AGBL4: variants seen among roughly 807,000 people sequenced by gnomAD.
AGBL4 encodes cytosolic carboxypeptidase 6.
A neutral mutation model predicts 66.4 loss-of-function variants in AGBL4; 58 were observed. That is an observed-to-expected ratio of 0.87 (90% CI 0.71 to 1.09). The LOEUF (loss-of-function observed/expected upper bound fraction) is 1.09, where lower values mean the gene tolerates loss of function less well. Ranked by LOEUF, AGBL4 falls within the 50% of genes least tolerant of loss-of-function variation. The pLI is 0.00. For synonymous variants in AGBL4, 234 were observed against 222.9 expected (o/e 1.05, Z -0.44); for missense variants, 579 against 631.0 (o/e 0.92, Z 0.88).
At chr1:49,615,399 T>G (rs1305342719) in intron 3 of AGBL4, among the ~76,000 whole-genome samples, 2 of 152,096 alleles carry the variant, frequency 1.3e-5, no homozygotes, top group East Asian at 3.9e-4. Context: ...CAGATCCAAA[T>G]TTTCCAAAAG....
At chr1:49,186,256 C>T (rs1464813265) in intron 4 of AGBL4, among the ~76,000 whole-genome samples, 6 of 152,146 alleles carry the variant, frequency 3.9e-5, no homozygotes, top group Non-Finnish European at 8.8e-5. Context: ...TCAGCCTTTG[C>T]TTTCAGAATG....
intron 4 of AGBL4, among the ~76,000 whole-genome samples, chr1:49,102,282 G>A (rs1478848726): frequency 6.6e-6 from 1 of 152,160 alleles, no homozygotes; most frequent in Non-Finnish European, 1.5e-5. Context: ...GAGTGGAGGA[G>A]GAGGCAGGGA....
chr1:49,414,054 G>C (rs1645375110), intron 3 of AGBL4, among the ~76,000 whole-genome samples: 1 of 152,112 alleles, frequency 6.6e-6, no homozygotes, highest in African/African-American at 2.4e-5. Flanking sequence ...GTTTGTGAAA[G>C]CACCTTAAAA....
intron 5 of AGBL4, among the ~76,000 whole-genome samples, chr1:48,912,099 G>A (rs1653178724): frequency 6.6e-6 from 1 of 152,108 alleles, no homozygotes; most frequent in Non-Finnish European, 1.5e-5. Context: ...CAGACACTAT[G>A]CTAGCCACGG....
intron 3 of AGBL4, chr1:49,269,429 G>T (rs1474955013): frequency 6.6e-6 from 1 of 152,180 alleles, no homozygotes; most frequent in Non-Finnish European, 1.5e-5. Context: ...GCTGTATTTT[G>T]TGTGGGAAAT....
chr1:49,172,227 C>A (rs1198834719), intron 4 of AGBL4, among the ~76,000 whole-genome samples: 1 of 152,174 alleles, frequency 6.6e-6, no homozygotes, highest in East Asian at 1.9e-4. Flanking sequence ...AGGAGCCACA[C>A]TAAGCCCTGA....
At chr1:49,020,253 C>A (rs1345449386) in intron 5 of AGBL4, among the ~76,000 whole-genome samples, 1 of 152,138 alleles carries the variant, frequency 6.6e-6, no homozygotes, top group Non-Finnish European at 1.5e-5. Flanking sequence ...TGCCCTCTCA[C>A]TTGGGCACAG....
At chr1:48,741,002 G>T (rs959601662) in intron 6 of AGBL4, among the ~76,000 whole-genome samples, 1 of 152,190 alleles carries the variant, frequency 6.6e-6, no homozygotes, top group African/African-American at 2.4e-5. Context: ...CAACTCACGT[G>T]TAAAAATATT....
At chr1:49,138,158 T>TA (rs1357543272) in intron 4 of AGBL4, among the ~76,000 whole-genome samples, 10 of 152,100 alleles carry the variant, frequency 6.6e-5, no homozygotes, top group Non-Finnish European at 1.3e-4. Context: ...AGCCAGACGT[T>TA]AGAGAGCCTT....
intron 1 of AGBL4, among the ~76,000 whole-genome samples, chr1:49,891,940 C>A (rs1367853371): frequency 6.6e-6 from 1 of 152,122 alleles, no homozygotes; most frequent in Non-Finnish European, 1.5e-5. Context: ...ATCATCCATT[C>A]CAAAACATTT....
chr1:48,939,368 G>A (rs1355491051), intron 5 of AGBL4, among the ~76,000 whole-genome samples: 3 of 152,200 alleles, frequency 2.0e-5, no homozygotes, highest in Non-Finnish European at 4.4e-5. Flanking sequence ...TTTGTACAGC[G>A]ATTGACAGGC....
intron 5 of AGBL4, among the ~76,000 whole-genome samples, chr1:48,959,582 A>G (rs79112815): frequency 0.025 from 3,827 of 152,296 alleles, 169 homozygotes; most frequent in African/African-American, 0.085. Flanking sequence ...CCCCTAAAGG[A>G]TCTTAGATAG....
intron 2 of AGBL4, among the ~76,000 whole-genome samples, chr1:49,767,283 T>C (rs987165912): frequency 2.0e-5 from 3 of 151,626 alleles, no homozygotes; most frequent in Admixed American, 1.3e-4. Context: ...GGAATAAAAA[T>C]AGAAATCAAT....
At chr1:48,789,416 GT>G (rs1188809879) in intron 6 of AGBL4, among the ~76,000 whole-genome samples, 1 of 151,968 alleles carries the variant, frequency 6.6e-6, no homozygotes, top group Non-Finnish European at 1.5e-5. Context: ...AGCCTCCCGA[GT>G]AACTGGGACT....
intron 2 of AGBL4, among the ~76,000 whole-genome samples, chr1:49,808,507 C>T (rs1645025032): frequency 6.6e-6 from 1 of 152,000 alleles, no homozygotes; most frequent in African/African-American, 2.4e-5. Flanking sequence ...GATTATATCC[C>T]CTCAAGTTTT....
At chr1:49,214,701 T>C (rs1648940721) in intron 4 of AGBL4, among the ~76,000 whole-genome samples, 2 of 152,144 alleles carry the variant, frequency 1.3e-5, no homozygotes, top group Admixed American at 1.3e-4. Flanking sequence ...AGACTATGTT[T>C]ATAGCAGAAG....
chr1:48,851,680 G>C (rs1029837114), intron 6 of AGBL4, among the ~76,000 whole-genome samples: 1 of 152,106 alleles, frequency 6.6e-6, no homozygotes, highest in Non-Finnish European at 1.5e-5. Context: ...ATCTTTACCA[G>C]AAAGGAAATC....
intron 2 of AGBL4, among the ~76,000 whole-genome samples, chr1:49,806,705 G>T (rs954479037): frequency 1.3e-5 from 2 of 152,188 alleles, no homozygotes; most frequent in African/African-American, 4.8e-5. Context: ...GCATTTTGGA[G>T]ATTACCAGGG....
At chr1:49,391,576 T>C (rs79046437) in intron 3 of AGBL4, among the ~76,000 whole-genome samples, 4 of 149,800 alleles carry the variant, frequency 2.7e-5, no homozygotes, top group Non-Finnish European at 4.4e-5. Context: ...TTTTTTTTTT[T>C]TTGGAGACGG....
Sources: gnomAD v4.1 joint callset for allele counts (sites outside exome capture counted in the v4.1 genomes callset) on GRCh38, gnomAD v4.1.1 for gene constraint, MANE v1.5 for transcripts, NCBI Gene and HGNC (gene_info 2026-07-23, HGNC 2026-07-21) for gene names.